WDFY3: variants seen among roughly 807,000 people sequenced by gnomAD.
WDFY3 encodes WD repeat and FYVE domain containing 3.
WDFY3 carries 66 observed loss-of-function variants against 409.6 expected under a neutral mutation model. That is an observed-to-expected ratio of 0.16 (90% CI 0.13 to 0.20). WDFY3 has a LOEUF of 0.20. WDFY3 is among the 10% of genes least tolerant of loss of function. The probability of loss-of-function intolerance (pLI) is 1.00; values close to 1 mark genes in which losing one functional copy is unlikely to be tolerated. For synonymous variants in WDFY3, 1,521 were observed against 1,537.1 expected, an observed-to-expected ratio of 0.99 and a Z score of 0.25; for missense variants, 3,031 against 4,298.1, an observed-to-expected ratio of 0.71 and a Z score of 8.24.
chr4:84,708,656 T>C (rs1259538495), intron 53 of WDFY3, among the ~76,000 whole-genome samples: 1 of 151,458 alleles, frequency 6.6e-6, no homozygotes, highest in Admixed American at 6.6e-5. Flanking sequence ...TCCTCCCACC[T>C]CAGCCTCCTG....
chr4:84,934,840 G>A (rs925639295), intron 1 of WDFY3, among the ~76,000 whole-genome samples: 6 of 151,750 alleles, frequency 4.0e-5, no homozygotes, highest in African/African-American at 1.2e-4. Context: ...CCCTGTAACC[G>A]CAATCCTGTA....
rs751847475 is a variant in WDFY3 at position 84,886,804 on chromosome 4, C to T, written c.-32+10107G>A. On this transcript the variant is annotated intron_variant, in intron 3 of 67. Coordinates refer to ENST00000295888, the MANE Select transcript of WDFY3 (RefSeq NM_014991.6). ...CCCATGGTCTCCAACAACAAAAAGT[C>T]ATGCTGGGAATACCAACATTGTTCT... 1.4e-3 allele frequency among the ~76,000 whole-genome samples: 218 copies of T among 152,246 alleles called. 3 individuals carry two copies. The highest frequency in any genetic ancestry group is 1.4e-3 in the Admixed American group (22 of 15,272).
At position 84,670,519 on chromosome 4, in the gene WDFY3, G is replaced by A. The variant is rs917123464; in HGVS notation, c.*2349C>T. The stretch of plus-strand genomic sequence containing the variant: ...AGGAAATACTACCATGAGGGTTTTG[G>A]TTTCCACCTTCTAGTTATGGAAGTT... On this transcript the variant is annotated 3_prime_UTR_variant, in exon 68 of 68. Coordinates refer to ENST00000295888, the MANE Select transcript of WDFY3 (RefSeq NM_014991.6). 7 of 152,684 alleles carry A rather than the reference G, an allele frequency of 4.6e-5. No individual in the cohort carries two copies. Among genetic ancestry groups the A allele is most frequent in the African/African-American group, 1.7e-4 (7 of 41,478 alleles). 9.5% of individuals were successfully genotyped at this position (152,684 alleles called of 1,614,324 possible).
At chr4:84,834,515 G>A (rs1229650676) in intron 7 of WDFY3, among the ~76,000 whole-genome samples, 1 of 151,776 alleles carries the variant, frequency 6.6e-6, no homozygotes, top group East Asian at 1.9e-4. Flanking sequence ...AGCCAGGCAT[G>A]GTGGCACAGC....
At chr4:84,763,812 A>G (rs761579403) in intron 32 of WDFY3, among the ~76,000 whole-genome samples, 13 of 152,190 alleles carry the variant, frequency 8.5e-5, no homozygotes, top group Non-Finnish European at 1.0e-4. Flanking sequence ...GCAAGTACCA[A>G]TGAAGGACAA....
intron 15 of WDFY3, among the ~76,000 whole-genome samples, chr4:84,804,798 C>A (rs1252858381): frequency 1.3e-5 from 2 of 152,042 alleles, no homozygotes; most frequent in Non-Finnish European, 2.9e-5. Context: ...TACACACATA[C>A]GCATAGATTC....
At chr4:84,837,208 G>GT in intron 6 of WDFY3, 118 bp from the exon 7 acceptor site, 1 of 861,964 alleles carries the variant, frequency 1.2e-6, no homozygotes, top group Non-Finnish European at 1.6e-6. Flanking sequence ...TAAAATGCAT[G>GT]TAAGAATTTA....
At chr4:84,896,330 G>A (rs1765634101) in intron 3 of WDFY3, among the ~76,000 whole-genome samples, 1 of 151,948 alleles carries the variant, frequency 6.6e-6, no homozygotes, top group Admixed American at 6.6e-5. Context: ...ATGAGTTCAA[G>A]AGAGGAAAAT....
At chr4:84,799,767 T>C (rs1057089841) in intron 17 of WDFY3, among the ~76,000 whole-genome samples, 2 of 152,178 alleles carry the variant, frequency 1.3e-5, no homozygotes, top group African/African-American at 2.4e-5. Flanking sequence ...GGTTTGCCAG[T>C]TTTTCATGTA....
chr4:84,849,306 A>T (rs1758546760), intron 5 of WDFY3, among the ~76,000 whole-genome samples: 1 of 152,138 alleles, frequency 6.6e-6, no homozygotes, highest in Non-Finnish European at 1.5e-5. Flanking sequence ...CACAATGACC[A>T]CCCAGGAGGT....
At chr4:84,921,646 A>ATTTTTTTTTTTT (rs747576197) in intron 2 of WDFY3, among the ~76,000 whole-genome samples, 2 of 78,674 alleles carry the variant, frequency 2.5e-5, no homozygotes, top group Admixed American at 1.6e-4. Flanking sequence ...TATTGCTTTC[A>ATTTTTTTTTTTT]TTTTTTTTTT....
intron 32 of WDFY3, among the ~76,000 whole-genome samples, chr4:84,761,971 T>C (rs1310922191): frequency 6.6e-6 from 1 of 152,104 alleles, no homozygotes; most frequent in East Asian, 1.9e-4. Context: ...CAACAGGTGC[T>C]GGAGAGGACG....
chr4:84,867,997 T>C (rs1304740454), intron 3 of WDFY3, among the ~76,000 whole-genome samples: 6 of 151,666 alleles, frequency 4.0e-5, no homozygotes, highest in South Asian at 2.1e-4. Context: ...GGTGAAACCC[T>C]GTCTCTACTA....
At position 84,855,637 on chromosome 4, in the gene WDFY3, T is replaced by A. The variant is rs527398271; in HGVS notation, c.180+4775A>T. Among the ~76,000 whole-genome samples the A allele has an allele frequency of 2.0e-4, 30 of 152,306 alleles. No individual in the cohort carries two copies. In the South Asian group the frequency reaches 5.2e-3, roughly 26 times the overall value. ...AGTTTTTAAAAATGGAGGCTTTTGTTTCCTAAATATGTGTTATATCTAAAA... is the reference window on the plus strand; with the variant it reads ...AGTTTTTAAAAATGGAGGCTTTTGTATCCTAAATATGTGTTATATCTAAAA... On this transcript the variant is annotated intron_variant, in intron 4 of 67. Coordinates refer to ENST00000295888, the MANE Select transcript of WDFY3 (RefSeq NM_014991.6).
chr4:84,964,877 A>G (rs979968858), intron 1 of WDFY3, among the ~76,000 whole-genome samples: 29 of 152,206 alleles, frequency 1.9e-4, no homozygotes, highest in African/African-American at 6.5e-4. Context: ...AGAAACTAGC[A>G]GTAGAAACCT....
intron 39 of WDFY3, 93 bp from the exon 40 acceptor site, chr4:84,739,212 A>G (rs970185078): frequency 8.1e-7 from 1 of 1,241,696 alleles, no homozygotes; most frequent in Non-Finnish European, 1.2e-6. Context: ...TTACCAGCAG[A>G]CACTGAATGT....
intron 13 of WDFY3, among the ~76,000 whole-genome samples, chr4:84,812,116 T>G (rs891870223): frequency 6.6e-6 from 1 of 152,138 alleles, no homozygotes; most frequent in African/African-American, 2.4e-5. Context: ...GTTATGAAGA[T>G]TTCATTGTTC....
chr4:84,833,329 A>C (rs963877286), intron 7 of WDFY3, among the ~76,000 whole-genome samples: 3 of 152,142 alleles, frequency 2.0e-5, no homozygotes, highest in African/African-American at 7.2e-5. Context: ...TCATGACATC[A>C]TTTTATTCTC....
At chr4:84,778,336 G>C (rs1745908042) in intron 27 of WDFY3, among the ~76,000 whole-genome samples, 167 bp downstream of exon 27, 1 of 151,938 alleles carries the variant, frequency 6.6e-6, no homozygotes, top group African/African-American at 2.4e-5. Flanking sequence ...TGGAGAAAAG[G>C]AACCCCAGCA....
Sources: gnomAD v4.1 joint callset for allele counts (sites outside exome capture counted in the v4.1 genomes callset) on GRCh38, gnomAD v4.1.1 for gene constraint, MANE v1.5 for transcripts, NCBI Gene and HGNC (gene_info 2026-07-23, HGNC 2026-07-21) for gene names.